The following ZRANB1 variants were observed in gnomAD, a reference collection of about 807,000 sequenced individuals.
ZRANB1 encodes the protein zinc finger RANBP2-type containing 1, also known as ubiquitin thioesterase ZRANB1.
A neutral mutation model predicts 80.5 loss-of-function variants in ZRANB1; 16 were observed. That is an observed-to-expected ratio of 0.20 (90% CI 0.13 to 0.30). ZRANB1 has a LOEUF of 0.30. Among genes scored for constraint, ZRANB1 ranks in the 10% least tolerant of loss-of-function variants. ZRANB1 has a pLI of 1.00. For missense variants in ZRANB1, 576 were observed against 862.6 expected (o/e 0.67, Z 4.16); for synonymous variants, 291 against 293.1 (o/e 0.99, Z 0.07).
intron 5 of ZRANB1, among the ~76,000 whole-genome samples, chr10:124,976,485 G>T (rs564664633): frequency 1.5e-3 from 231 of 151,698 alleles, no homozygotes; most frequent in Non-Finnish European, 1.7e-3. Context: ...GGAAAGCCAG[G>T]TTTGAACTGT....
At chr10:124,966,058 C>T (rs1442510515) in intron 1 of ZRANB1, among the ~76,000 whole-genome samples, 1 of 152,076 alleles carries the variant, frequency 6.6e-6, no homozygotes, top group East Asian at 1.9e-4. Flanking sequence ...CAAAATGTTG[C>T]CAACGTTTAC....
At chr10:124,918,138 A>C in the ZRANB1 span, among the ~76,000 whole-genome samples, 1 of 152,172 alleles carries the variant, frequency 6.6e-6, no homozygotes, top group Non-Finnish European at 1.5e-5. Flanking sequence ...GTTTATGATG[A>C]TGTTAATAAA....
chr10:124,961,948 CAGG>C (rs1951737648), intron 1 of ZRANB1, among the ~76,000 whole-genome samples: 1 of 152,080 alleles, frequency 6.6e-6, no homozygotes, highest in Admixed American at 6.6e-5. Context: ...AAAATACAAC[CAGG>C]AGGTGTTTTG....
the ZRANB1 span, among the ~76,000 whole-genome samples, chr10:124,921,380 T>C: frequency 1.3e-5 from 2 of 152,212 alleles, no homozygotes; most frequent in African/African-American, 4.8e-5. Context: ...TCAACCGTCT[T>C]GAATGAAAAA....
Position 124,981,696 on chromosome 10 carries a change from C to A in ZRANB1, c.1428-13C>A. 6 of 1,588,452 alleles carry A rather than the reference C, an allele frequency of 3.8e-6. No individual in the cohort carries two copies. Among genetic ancestry groups the A allele is most frequent in the Non-Finnish European group, 5.1e-6 (6 of 1,172,516 alleles). ...GACTATTTATTTATTTTTTTACTAT[C>A]CTGCTTTTTTAGGTTTTACACACGC... On this transcript the variant is annotated splice_polypyrimidine_tract_variant and intron_variant, in intron 5 of 8. Coordinates refer to ENST00000359653, the MANE Select transcript of ZRANB1 (RefSeq NM_017580.3).
the ZRANB1 span, among the ~76,000 whole-genome samples, chr10:124,923,246 C>T: frequency 9.9e-5 from 15 of 151,888 alleles, no homozygotes; most frequent in African/African-American, 3.6e-4. Flanking sequence ...GAGCTACACT[C>T]CAGCCTGGGC....
At position 124,983,342 on chromosome 10, in the gene ZRANB1, G is replaced by T; in HGVS notation, c.1678+38G>T. 1 of 1,609,846 alleles carries T rather than the reference G, an allele frequency of 6.2e-7. No individual in the cohort carries two copies. The highest frequency in any genetic ancestry group is 1.1e-5 in the South Asian group (1 of 90,374). On this transcript the variant is annotated intron_variant, in intron 7 of 8. Coordinates refer to ENST00000359653, the MANE Select transcript of ZRANB1 (RefSeq NM_017580.3). The surrounding 1 kb of genome is among the most constrained non-coding windows in gnomAD (Gnocchi z 6.2). ...TCAGGAACGTTTTACAAGTTTCTTT[G>T]AACGGAATGGCTCAGATGTCAGGAA...
chr10:124,956,449 C>G (rs1191548840), intron 1 of ZRANB1, among the ~76,000 whole-genome samples: 1 of 152,130 alleles, frequency 6.6e-6, no homozygotes, highest in Admixed American at 6.5e-5. Context: ...TTTTCCCTGT[C>G]ATTCTTTTAT....
At chr10:124,950,109 T>G (rs1028570086) in intron 1 of ZRANB1, among the ~76,000 whole-genome samples, 3 of 152,186 alleles carry the variant, frequency 2.0e-5, no homozygotes, top group African/African-American at 7.2e-5. Context: ...TATTGTTTTA[T>G]TTTTTAATTA....
At position 124,987,913 on chromosome 10, in the gene ZRANB1, A is replaced by G. The variant is rs1361817814; in HGVS notation, c.*2921A>G. The G allele has an allele frequency of 6.6e-6, 1 of 152,454 alleles. No homozygotes were observed. Among genetic ancestry groups the G allele is most frequent in the Non-Finnish European group, 1.5e-5 (1 of 68,034 alleles). The allele number at this position is 152,454 out of a possible 1,614,324, so 9.4% of individuals were successfully genotyped here. A position where few individuals can be genotyped will look rare whatever the true frequency, so the allele number is the denominator to read the frequency against. On this transcript the variant is annotated 3_prime_UTR_variant, in exon 9 of 9. Transcript: ENST00000359653. ...ATCCATTAAATCAAGCTCTTAACTC[A>G]TGGGACTATTTGCAACACTTCTTTG...
At chr10:124,968,647 C>T (rs1360639299) in intron 2 of ZRANB1, among the ~76,000 whole-genome samples, 3 of 152,096 alleles carry the variant, frequency 2.0e-5, no homozygotes, top group African/African-American at 7.2e-5. Context: ...ATTGGAAGGG[C>T]TGTCAATGTG....
intron 3 of ZRANB1, 61 bp downstream of exon 3, chr10:124,972,179 G>A: frequency 1.3e-6 from 2 of 1,530,242 alleles, no homozygotes; most frequent in South Asian, 1.2e-5. Context: ...ATTTGTGTAT[G>A]TAGGTGAAAA....
At chr10:124,940,301 A>G (rs1438189424), upstream of ZRANB1, among the ~76,000 whole-genome samples, 3 of 152,248 alleles carry the variant, frequency 2.0e-5, no homozygotes, top group Non-Finnish European at 4.4e-5. Flanking sequence ...GAATTGATAA[A>G]AATAAAGCCT....
At chr10:124,967,092 G>C (rs1298468241) in intron 2 of ZRANB1, among the ~76,000 whole-genome samples, 1 of 152,184 alleles carries the variant, frequency 6.6e-6, no homozygotes, top group Non-Finnish European at 1.5e-5. Context: ...GCACTAGGCT[G>C]AGAAGGGATA....
chr10:124,967,498 G>C (rs928739104), intron 2 of ZRANB1, among the ~76,000 whole-genome samples: 4 of 152,206 alleles, frequency 2.6e-5, no homozygotes, highest in African/African-American at 7.2e-5. Context: ...TCTGTGTCAA[G>C]GAATTTGAAG....
intron 4 of ZRANB1, 43 bp from the exon 5 acceptor site, chr10:124,974,157 A>G (rs1951853269): frequency 6.3e-7 from 1 of 1,596,692 alleles, no homozygotes; most frequent in Non-Finnish European, 8.6e-7. Flanking sequence ...TTCTCTAATG[A>G]CATAGGTATG....
In ZRANB1 at chr10:124,966,681, G is replaced by A. The variant is rs1258483783; in HGVS notation, c.902G>A (p.Arg301His). Residue 301 changes from arginine to histidine, a missense_variant, in exon 2 of 9, where the codon CGC becomes CAC. Coordinates refer to ENST00000359653, the MANE Select transcript of ZRANB1 (RefSeq NM_017580.3). ...CGTCAGCTCACCGCAGATGAAGTAC[G>A]CTTGCTGAATCGTCCTTCTGCCTTT... ...IARQLTADEV[R>H]LLNRPSAFDV... 2 of 1,614,042 alleles carry A rather than the reference G, an allele frequency of 1.2e-6. No homozygotes were observed. Among genetic ancestry groups the A allele is most frequent in the South Asian group, 1.1e-5 (1 of 91,092 alleles).
rs1364191940 is a variant in ZRANB1, at chr10:124,987,065, T to C, written c.*2073T>C. 6.6e-6 allele frequency: 1 copy of C among 152,652 alleles called. No homozygotes were observed. The highest frequency in any genetic ancestry group is 6.5e-5 in the Admixed American group (1 of 15,280). 9.5% of individuals were successfully genotyped at this position (152,652 alleles called of 1,614,324 possible). A position where few individuals can be genotyped will look rare whatever the true frequency, so the allele number is the denominator to read the frequency against. On this transcript the variant is annotated 3_prime_UTR_variant, in exon 9 of 9. Coordinates refer to ENST00000359653, the MANE Select transcript of ZRANB1 (RefSeq NM_017580.3). ...AAGAATTAAAGATGGTTCCATTTCC[T>C]AGGCTACAGACAGGAATGGGGCTCT...
chr10:124,967,823 A>G (rs996359501), intron 2 of ZRANB1, among the ~76,000 whole-genome samples: 18 of 152,158 alleles, frequency 1.2e-4, no homozygotes, highest in African/African-American at 4.3e-4. Context: ...GGCTTACATA[A>G]CTAGGTACAT....
Sources: allele counts gnomAD v4.1 joint callset (sites outside exome capture counted in the v4.1 genomes callset), GRCh38; gene constraint gnomAD v4.1.1; non-coding constraint Gnocchi (gnomAD v3.1); transcripts MANE v1.5; gene names NCBI Gene and HGNC (gene_info 2026-07-23, HGNC 2026-07-21).